Variants in PLPP1 observed in about 807,000 individuals in gnomAD.
PLPP1 encodes the protein lipid phosphate phosphohydrolase 1a.
PLPP1 carries 24 observed loss-of-function variants against 31.2 expected under a neutral mutation model. The observed-to-expected ratio is 0.77, with a 90% CI of 0.56 to 1.08. PLPP1 has a LOEUF of 1.08. PLPP1 is among the 50% of genes least tolerant of loss of function. The pLI is 0.00. For synonymous variants in PLPP1, 146 were observed against 126.3 expected (o/e 1.16, Z -1.05); for missense variants, 319 against 342.7 (o/e 0.93, Z 0.55).
chr5:55,534,044 T>C (rs542706606), intron 1 of PLPP1, among the ~76,000 whole-genome samples: 1 of 152,114 alleles, frequency 6.6e-6, no homozygotes, highest in African/African-American at 2.4e-5. Context: ...ACGCAAAAAC[T>C]TGGCGTGCTC....
At chr5:55,477,717 G>C (rs1330586017) in intron 1 of PLPP1, among the ~76,000 whole-genome samples, 1 of 152,046 alleles carries the variant, frequency 6.6e-6, no homozygotes, top group Non-Finnish European at 1.5e-5. Context: ...ATCTAATTTA[G>C]TCTATACAAA....
intron 1 of PLPP1, among the ~76,000 whole-genome samples, chr5:55,532,141 T>G (rs1379366135): frequency 3.9e-5 from 6 of 152,246 alleles, no homozygotes; most frequent in Non-Finnish European, 8.8e-5. Context: ...AATTATGTGA[T>G]GTTTGTATCA....
intron 1 of PLPP1, among the ~76,000 whole-genome samples, chr5:55,491,639 C>T (rs1433544072): frequency 1.3e-5 from 2 of 152,086 alleles, no homozygotes; most frequent in African/African-American, 4.8e-5. Context: ...GGGCAGATCA[C>T]TTGACATGAA....
Position 55,441,790 on chromosome 5 carries a change from G to A in PLPP1, c.549+61C>T, listed in dbSNP as rs185942815. ...TATTAGGACAGGTGAGGACACTGAT[G>A]CTGAGCACATTAATTCCATGCAGCA... On this transcript the variant is annotated intron_variant, in intron 4 of 5. Transcript: ENST00000307259. 1.7e-3 allele frequency: 2,569 copies of A among 1,523,894 alleles called. 2 individuals are homozygous for A. The highest frequency in any genetic ancestry group is 2.1e-3 in the Admixed American group (126 of 59,838). 94.4% of individuals were successfully genotyped at this position (1,523,894 alleles called of 1,614,324 possible).
At chr5:55,475,530 T>C (rs1175994020) in intron 1 of PLPP1, 80 bp from the exon 2 acceptor site, 3 of 1,303,242 alleles carry the variant, frequency 2.3e-6, no homozygotes, top group Non-Finnish European at 3.1e-6. Context: ...TCCCACAGAC[T>C]CTGTCTAAAA....
chr5:55,424,979 C>A lies in PLPP1; in HGVS notation c.*227G>T. 1.5e-6 allele frequency: 1 copy of A among 650,790 alleles called. No homozygotes were observed. The highest frequency in any genetic ancestry group is 2.6e-6 in the Non-Finnish European group (1 of 390,696). The allele number at this position is 650,790 out of a possible 1,614,324, so 40.3% of individuals were successfully genotyped here. A position where few individuals can be genotyped will look rare whatever the true frequency, so the allele number is the denominator to read the frequency against. On this transcript the variant is annotated 3_prime_UTR_variant, in exon 6 of 6. Coordinates refer to ENST00000307259, the MANE Select transcript of PLPP1 (RefSeq NM_003711.4). ...TTAATAAAAATGTATACAGGTGGGGCACTGTTTTGGTGGAAGGCTTGGAGT... is the reference window on the plus strand; with the variant it reads ...TTAATAAAAATGTATACAGGTGGGGAACTGTTTTGGTGGAAGGCTTGGAGT...
intron 1 of PLPP1, among the ~76,000 whole-genome samples, chr5:55,505,821 C>G (rs971696356): frequency 2.0e-5 from 3 of 152,344 alleles, no homozygotes; most frequent in African/African-American, 7.2e-5. Context: ...CTTTGGGAGG[C>G]TGAGGTGGCC....
chr5:55,457,804 G>C (rs1038156281), intron 3 of PLPP1, among the ~76,000 whole-genome samples: 1 of 151,068 alleles, frequency 6.6e-6, no homozygotes, highest in Non-Finnish European at 1.5e-5. Context: ...CAGGAGAATC[G>C]CTTGAACCCG....
At chr5:55,506,259 T>A (rs1753275283) in intron 1 of PLPP1, among the ~76,000 whole-genome samples, 3 of 110,328 alleles carry the variant, frequency 2.7e-5, no homozygotes, top group African/African-American at 6.6e-5. Flanking sequence ...ATACAGCAAA[T>A]TACTAAAAAA....
rs1299505224 is a variant in PLPP1, at chr5:55,475,318, AT to A, written c.190del (p.Ile64PhefsTer32). 1 of 1,611,052 alleles carries A rather than the reference AT, an allele frequency of 6.2e-7. No individual in the cohort carries two copies. ...ACTTACAACGATAATACTGAATGGA[AT>A]GATTATTCCACCTAATAACGCATAA... ...IPYALLGGII[I>X]PFSIIVIILG... On this transcript the variant is annotated frameshift_variant, in exon 2 of 6. Coordinates refer to ENST00000307259, the MANE Select transcript of PLPP1 (RefSeq NM_003711.4). LOFTEE classifies it high-confidence loss of function.
intron 1 of PLPP1, among the ~76,000 whole-genome samples, chr5:55,532,912 C>G (rs1439322385): frequency 6.7e-6 from 1 of 149,348 alleles, no homozygotes; most frequent in African/African-American, 2.5e-5. Context: ...GCCAAGATCG[C>G]GCCACTGCAC....
chr5:55,449,318 T>A (rs1390473171), intron 3 of PLPP1, among the ~76,000 whole-genome samples: 1 of 152,184 alleles, frequency 6.6e-6, no homozygotes, highest in East Asian at 1.9e-4. Flanking sequence ...AACACGGTGA[T>A]AATACTGGAA....
intron 4 of PLPP1, among the ~76,000 whole-genome samples, chr5:55,426,788 G>A: frequency 6.6e-6 from 1 of 151,796 alleles, no homozygotes; most frequent in East Asian, 1.9e-4. Flanking sequence ...GGCCTATCTA[G>A]GGACTATTTC....
At chr5:55,473,575 G>T (rs1752468036) in intron 2 of PLPP1, among the ~76,000 whole-genome samples, 1 of 151,796 alleles carries the variant, frequency 6.6e-6, no homozygotes, top group Admixed American at 6.6e-5. Flanking sequence ...TCCAAAAACA[G>T]ACATGATATA....
At chr5:55,462,085 G>T (rs1752178064) in intron 3 of PLPP1, among the ~76,000 whole-genome samples, 1 of 152,134 alleles carries the variant, frequency 6.6e-6, no homozygotes, top group Non-Finnish European at 1.5e-5. Context: ...TCATGGATTG[G>T]AAGACCCAAT....
At chr5:55,468,568 G>A (rs534012735) in intron 2 of PLPP1, among the ~76,000 whole-genome samples, 61 of 152,178 alleles carry the variant, frequency 4.0e-4, no homozygotes, top group African/African-American at 1.3e-3. Context: ...TTGGGAGCCC[G>A]AGGGAGGTGG....
chr5:55,517,598 T>G (rs1263348845), intron 1 of PLPP1, among the ~76,000 whole-genome samples: 2 of 152,236 alleles, frequency 1.3e-5, no homozygotes, highest in Admixed American at 1.3e-4. Flanking sequence ...AAATCTAGAA[T>G]ACGGACCTAA....
At chr5:55,462,817 C>CA (rs1173942894) in intron 3 of PLPP1, among the ~76,000 whole-genome samples, 2 of 151,862 alleles carry the variant, frequency 1.3e-5, no homozygotes, top group African/African-American at 2.4e-5. Context: ...ACTAAAAATA[C>CA]AAAAAATTAG....
intron 1 of PLPP1, among the ~76,000 whole-genome samples, chr5:55,490,300 G>A (rs777368422): frequency 4.6e-5 from 7 of 151,574 alleles, no homozygotes; most frequent in Non-Finnish European, 1.0e-4. Flanking sequence ...ACAGGCATGC[G>A]CCACCACGCC....
Sources: allele counts gnomAD v4.1 joint callset (sites outside exome capture counted in the v4.1 genomes callset), GRCh38; gene constraint gnomAD v4.1.1; transcripts MANE v1.5; gene names NCBI Gene and HGNC (gene_info 2026-07-23, HGNC 2026-07-21).